GRAMD1B: variants seen among roughly 807,000 people sequenced by gnomAD.
GRAMD1B encodes protein Aster-B.
Under a neutral mutation model 99.7 loss-of-function variants are expected in GRAMD1B, and 37 were observed. The observed-to-expected ratio is 0.37, with a 90% CI of 0.29 to 0.49. The LOEUF is 0.49. Among genes scored for constraint, GRAMD1B ranks in the 20% least tolerant of loss-of-function variants. The probability of loss-of-function intolerance (pLI) is 0.98; values close to 1 mark genes in which losing one functional copy is unlikely to be tolerated. For missense variants in GRAMD1B, 888 were observed against 1,009.2 expected, an observed-to-expected ratio of 0.88 and a Z score of 1.63; for synonymous variants, 427 against 387.6, an observed-to-expected ratio of 1.10 and a Z score of -1.19.
At chr11:123,520,640 A>G (rs1301678145) in intron 2 of GRAMD1B, among the ~76,000 whole-genome samples, 1 of 151,698 alleles carries the variant, frequency 6.6e-6, no homozygotes, top group Admixed American at 6.6e-5. Context: ...TTAGCTGGGC[A>G]TGGTGGTGCG....
chr11:123,498,585 G>A (rs899846242), intron 2 of GRAMD1B, among the ~76,000 whole-genome samples: 3 of 152,146 alleles, frequency 2.0e-5, no homozygotes, highest in Admixed American at 6.5e-5. Flanking sequence ...TCTTATAGGG[G>A]CAATGAATGG....
At chr11:123,548,307 T>C (rs369371058) in intron 2 of GRAMD1B, among the ~76,000 whole-genome samples, 2,126 of 79,036 alleles carry the variant, frequency 0.027, 26 homozygotes, top group Middle Eastern at 0.036. Context: ...TATATATATA[T>C]ATATATATAT....
At chr11:123,359,061 C>G (rs545988597) in intron 1 of GRAMD1B, among the ~76,000 whole-genome samples, 2 of 152,272 alleles carry the variant, frequency 1.3e-5, no homozygotes, top group East Asian at 3.9e-4. Flanking sequence ...TAGATTATCT[C>G]CTCCATGAAT....
At chr11:123,416,231 A>G (rs182835602) in intron 1 of GRAMD1B, among the ~76,000 whole-genome samples, 4 of 152,244 alleles carry the variant, frequency 2.6e-5, no homozygotes, top group East Asian at 3.9e-4. Flanking sequence ...GTGTAGAAAG[A>G]TCCCCTGCTT....
At chr11:123,513,264 A>G (rs188931125) in intron 2 of GRAMD1B, among the ~76,000 whole-genome samples, 17 of 152,230 alleles carry the variant, frequency 1.1e-4, no homozygotes, top group Admixed American at 2.0e-4. Context: ...GTCTTATGAC[A>G]ACATTCCCTA....
rs1955364483 is a variant in GRAMD1B at position 123,624,137 on chromosome 11, CAGTTTG to C, written c.*1543_*1548del. On this transcript the variant is annotated 3_prime_UTR_variant, in exon 20 of 20. Transcript: ENST00000635736. ...TGGAGATTCATGAAAGAGTCATAGC[CAGTTTG>C]GCATGCAGAGGTCTTCAGTCTTGCT... 2.6e-5 allele frequency: 4 copies of C among 152,142 alleles called. No homozygotes were observed. The highest frequency in any genetic ancestry group is 2.6e-4 in the Admixed American group (4 of 15,274). 9.4% of individuals were successfully genotyped at this position (152,142 alleles called of 1,614,324 possible).
Position 123,600,544 on chromosome 11 carries a change from A to G in GRAMD1B, c.1046A>G (p.Glu349Gly). 2 of 1,608,044 alleles carry G rather than the reference A, an allele frequency of 1.2e-6. No homozygotes were observed. The highest frequency in any genetic ancestry group is 1.7e-6 in the Non-Finnish European group (2 of 1,174,730). ...MFRLWQNALL[E>G]KPLCPKELWH... ...CGGCTCTGGCAGAATGCTCTCCTTGAAAAGGTAAGTACGGCCGAGTTTGCT... is the reference window on the plus strand; with the variant it reads ...CGGCTCTGGCAGAATGCTCTCCTTGGAAAGGTAAGTACGGCCGAGTTTGCT... The change falls in exon 8 of 20, where the codon GAA becomes GGA. Residue 349 changes from glutamate (E) to glycine (G), a missense_variant. Physicochemically the swap from Glu to Gly is moderately conservative, Grantham distance 98. This residue lies in a region of GRAMD1B where 269 missense variants were observed against 296.6 expected (regional missense o/e 0.91). Coordinates refer to ENST00000635736, the MANE Select transcript of GRAMD1B (RefSeq NM_001387025.1).
At chr11:123,602,317 ATTATTG>A (rs925925050) in intron 8 of GRAMD1B, among the ~76,000 whole-genome samples, 4 of 151,296 alleles carry the variant, frequency 2.6e-5, no homozygotes, top group Admixed American at 6.6e-5. Flanking sequence ...TATTATTATT[ATTATTG>A]TTATTTTTAC....
rs1170640943 is a variant in GRAMD1B, at chr11:123,587,995, G to A, written c.684+3663G>A. 6.6e-6 allele frequency among the ~76,000 whole-genome samples: 1 copy of A among 151,018 alleles called. No individual in the cohort carries two copies. Among genetic ancestry groups the A allele is most frequent in the Admixed American group, 6.6e-5 (1 of 15,138 alleles). ...CCTGAGTTTTTCAGATGAGCCCCCA[G>A]CCCAGCCCAGCCCCACCCCTTCTCT... On this transcript the variant is annotated intron_variant, in intron 4 of 19. Coordinates refer to ENST00000635736, the MANE Select transcript of GRAMD1B (RefSeq NM_001387025.1). This position sits in a 1 kb window ranked among gnomAD's most constrained non-coding sequence, Gnocchi z 4.2.
At position 123,366,098 on chromosome 11, in the gene GRAMD1B, G is replaced by T. The variant is rs142196407; in HGVS notation, c.-176+7299G>T. ...TTGGCTGGGGCCATTCCCTCTATTT[G>T]AACTCAGTTGGCAGCAATCAATAGA... On this transcript the variant is annotated intron_variant, in intron 1 of 20. Transcript: ENST00000638157. 3.9e-5 allele frequency among the ~76,000 whole-genome samples: 6 copies of T among 152,296 alleles called. 1 individual carries two copies. In the East Asian group the frequency reaches 1.2e-3, roughly 29 times the overall value.
chr11:123,484,215 A>G (rs1028396409), intron 2 of GRAMD1B, among the ~76,000 whole-genome samples: 4 of 152,144 alleles, frequency 2.6e-5, no homozygotes, highest in African/African-American at 4.8e-5. Flanking sequence ...CTCTTCTTCT[A>G]CCAGTTCTAT....
chr11:123,449,405 C>T (rs930257090), intron 1 of GRAMD1B, among the ~76,000 whole-genome samples: 5 of 152,244 alleles, frequency 3.3e-5, no homozygotes, highest in East Asian at 1.9e-4. Context: ...TGGAATTCTA[C>T]GATAAATCAT....
rs889997324 is a variant in GRAMD1B at position 123,470,193 on chromosome 11, A to G, written c.375-10623A>G. Reference sequence around the variant, plus strand: ...CTGCCCACATGCAAGAGTGAAATCAATTCCTCAAGGGCTTGCACACCCACA... The same window carrying G: ...CTGCCCACATGCAAGAGTGAAATCAGTTCCTCAAGGGCTTGCACACCCACA... On this transcript the variant is annotated intron_variant, in intron 1 of 19. Coordinates refer to ENST00000635736, the MANE Select transcript of GRAMD1B (RefSeq NM_001387025.1). 4.6e-5 allele frequency among the ~76,000 whole-genome samples: 7 copies of G among 152,182 alleles called. No individual in the cohort carries two copies. The East Asian group carries it at 7.7e-4, about 17-fold the overall frequency.
chr11:123,512,573 C>T (rs1941138122), intron 2 of GRAMD1B, among the ~76,000 whole-genome samples: 1 of 151,992 alleles, frequency 6.6e-6, no homozygotes, highest in Non-Finnish European at 1.5e-5. Context: ...AAAAATTAGC[C>T]AGGGGTGGTG....
chr11:123,528,680 T>C (rs1269946679), intron 2 of GRAMD1B, among the ~76,000 whole-genome samples: 1 of 152,178 alleles, frequency 6.6e-6, no homozygotes, highest in African/African-American at 2.4e-5. Flanking sequence ...AATGCCGTGC[T>C]AGACACCGGC....
intron 1 of GRAMD1B, among the ~76,000 whole-genome samples, chr11:123,422,491 A>AT (rs988986379): frequency 6.6e-6 from 1 of 152,050 alleles, no homozygotes; most frequent in Non-Finnish European, 1.5e-5. Flanking sequence ...AGTAATTCCA[A>AT]TTTTTTGCTT....
Position 123,579,952 on chromosome 11 carries a change from G to C in GRAMD1B, c.663+2375G>C, listed in dbSNP as rs142391601. On this transcript the variant is annotated intron_variant, in intron 3 of 19. Coordinates refer to ENST00000635736, the MANE Select transcript of GRAMD1B (RefSeq NM_001387025.1). ...CTTTTCATAGGAACTGAGGAGGGAGGTGCTGGGGTGAGTGCAGGTCTCCTT... is the reference window on the plus strand; with the variant it reads ...CTTTTCATAGGAACTGAGGAGGGAGCTGCTGGGGTGAGTGCAGGTCTCCTT... Among the ~76,000 whole-genome samples the C allele has an allele frequency of 9.3e-4, 141 of 152,326 alleles. 1 individual carries two copies. Among genetic ancestry groups the C allele is most frequent in the African/African-American group, 3.1e-3 (130 of 41,570 alleles).
At chr11:123,523,226 G>A (rs534779112) in intron 2 of GRAMD1B, among the ~76,000 whole-genome samples, 2 of 152,284 alleles carry the variant, frequency 1.3e-5, no homozygotes, top group African/African-American at 4.8e-5. Flanking sequence ...CAGCTACTCG[G>A]GAGACTGAGG....
chr11:123,391,543 G>A (rs560859375), intron 1 of GRAMD1B, among the ~76,000 whole-genome samples: 24 of 152,140 alleles, frequency 1.6e-4, no homozygotes, highest in South Asian at 2.1e-4. Context: ...TGCAACCTCC[G>A]CCTCCTGGGT....
Sources: gnomAD v4.1 joint callset for allele counts (sites outside exome capture counted in the v4.1 genomes callset) on GRCh38, gnomAD v4.1.1 for gene constraint, gnomAD v4.1.1 regional missense constraint, Gnocchi (gnomAD v3.1) non-coding constraint, MANE v1.5 for transcripts, NCBI Gene and HGNC (gene_info 2026-07-23, HGNC 2026-07-21) for gene names.